The following FGGY variants were observed in gnomAD, a reference collection of about 807,000 sequenced individuals.
FGGY encodes the protein FGGY carbohydrate kinase domain-containing protein.
A neutral mutation model predicts 71.3 loss-of-function variants in FGGY; 72 were observed. The ratio of observed to expected loss-of-function variants is 1.01; its 90% confidence interval spans 0.84 to 1.23. The LOEUF (loss-of-function observed/expected upper bound fraction) is 1.23. Among genes scored for constraint, FGGY ranks in the 50% most tolerant of loss-of-function variants. The probability of loss-of-function intolerance (pLI) is 0.00; values close to 1 mark genes in which losing one functional copy is unlikely to be tolerated. For synonymous variants in FGGY, 251 were observed against 250.3 expected (o/e 1.00, Z -0.02); for missense variants, 668 against 682.3 (o/e 0.98, Z 0.23).
At chr1:59,639,276 A>C (rs1420867166) in intron 11 of FGGY, among the ~76,000 whole-genome samples, 1 of 152,228 alleles carries the variant, frequency 6.6e-6, no homozygotes, top group East Asian at 1.9e-4. Flanking sequence ...TTTTGTGGTT[A>C]GTTTTATTGA....
At chr1:59,539,867 G>C (rs1373405313) in intron 7 of FGGY, among the ~76,000 whole-genome samples, 3 of 152,320 alleles carry the variant, frequency 2.0e-5, no homozygotes, top group Non-Finnish European at 2.9e-5. Context: ...TGTGTATCCA[G>C]AGTATGTAAA....
chr1:59,560,220 C>T (rs1275350876), intron 8 of FGGY, among the ~76,000 whole-genome samples: 1 of 152,160 alleles, frequency 6.6e-6, no homozygotes, highest in Non-Finnish European at 1.5e-5. Flanking sequence ...CAGGAAAACA[C>T]CAAACAGATC....
chr1:59,723,563 T>TG (rs141394151), intron 14 of FGGY, among the ~76,000 whole-genome samples: 28,343 of 128,562 alleles, frequency 0.22, 2,920 homozygotes, highest in East Asian at 0.36. Flanking sequence ...TGTTTTTTTT[T>TG]GGGGGGGGGT....
intron 6 of FGGY, among the ~76,000 whole-genome samples, chr1:59,482,570 A>ATATG (rs141953820): frequency 4.4e-4 from 65 of 148,044 alleles, no homozygotes; most frequent in South Asian, 3.0e-3. Flanking sequence ...GTGTATATAT[A>ATATG]TGTGTGTGTG....
At chr1:59,612,247 A>C (rs916294733) in intron 9 of FGGY, among the ~76,000 whole-genome samples, 2 of 152,238 alleles carry the variant, frequency 1.3e-5, no homozygotes, top group Non-Finnish European at 2.9e-5. Context: ...AGCCAGAGAG[A>C]AAGGTTGGGT....
chr1:59,386,652 T>C (rs552842161), intron 5 of FGGY, among the ~76,000 whole-genome samples: 1 of 152,164 alleles, frequency 6.6e-6, no homozygotes, highest in South Asian at 2.1e-4. Flanking sequence ...TATCTACATA[T>C]ATTACTTTGA....
intron 6 of FGGY, among the ~76,000 whole-genome samples, chr1:59,491,525 T>C (rs1427585374): frequency 1.3e-5 from 2 of 152,116 alleles, no homozygotes; most frequent in Non-Finnish European, 2.9e-5. Context: ...TGTTCATGTA[T>C]AAAAATGCTA....
chr1:59,474,624 A>T (rs934457930), intron 6 of FGGY, among the ~76,000 whole-genome samples: 3 of 152,224 alleles, frequency 2.0e-5, no homozygotes, highest in Non-Finnish European at 4.4e-5. Context: ...CGATTTACAT[A>T]GGTAAATTTA....
intron 8 of FGGY, among the ~76,000 whole-genome samples, chr1:59,598,120 ATTGT>A (rs1463017510): frequency 5.3e-5 from 8 of 152,130 alleles, no homozygotes; most frequent in African/African-American, 1.7e-4. Flanking sequence ...CCCACCACAG[ATTGT>A]TTGGATTGTG....
At chr1:59,651,261 A>G (rs572466534) in intron 11 of FGGY, among the ~76,000 whole-genome samples, 9 of 152,282 alleles carry the variant, frequency 5.9e-5, no homozygotes, top group African/African-American at 1.9e-4. Context: ...GTAGAAGTCT[A>G]TTAGGTCCGC....
intron 8 of FGGY, among the ~76,000 whole-genome samples, chr1:59,605,105 T>C (rs1429368027): frequency 6.6e-6 from 1 of 152,134 alleles, no homozygotes; most frequent in African/African-American, 2.4e-5. Flanking sequence ...TCCATGCATG[T>C]TTTAAATCTT....
At chr1:59,382,363 G>A (rs775896143) in intron 5 of FGGY, among the ~76,000 whole-genome samples, 4 of 152,144 alleles carry the variant, frequency 2.6e-5, no homozygotes, top group South Asian at 2.1e-4. Context: ...CAGCAACCCC[G>A]AACCTCCTTG....
chr1:59,507,923 C>T (rs541037244), intron 6 of FGGY, among the ~76,000 whole-genome samples: 14 of 152,288 alleles, frequency 9.2e-5, no homozygotes, highest in Middle Eastern at 3.4e-3. Context: ...CTGAAGCCCT[C>T]CGCTGCCTCT....
chr1:59,593,603 G>A (rs2096484029), intron 8 of FGGY, among the ~76,000 whole-genome samples: 1 of 152,138 alleles, frequency 6.6e-6, no homozygotes, highest in Admixed American at 6.5e-5. Context: ...CAGCATTTGT[G>A]ATTTTTAAAA....
chr1:59,740,692 T>C (rs1214404794), intron 14 of FGGY, among the ~76,000 whole-genome samples: 5 of 152,242 alleles, frequency 3.3e-5, no homozygotes, highest in African/African-American at 9.6e-5. Flanking sequence ...GGCCCACTTA[T>C]TATCAGAGAC....
chr1:59,749,210 T>A (rs932181844), intron 14 of FGGY, among the ~76,000 whole-genome samples: 2 of 152,182 alleles, frequency 1.3e-5, no homozygotes, highest in African/African-American at 4.8e-5. Flanking sequence ...TATAATAAAC[T>A]GGTAATAGTA....
intron 9 of FGGY, among the ~76,000 whole-genome samples, chr1:59,621,890 C>T (rs1247603440): frequency 6.6e-6 from 1 of 151,516 alleles, no homozygotes; most frequent in Non-Finnish European, 1.5e-5. Flanking sequence ...GTTTCTTCTC[C>T]TTGCTCTCTT....
At chr1:59,511,453 T>C (rs1478315319) in intron 6 of FGGY, among the ~76,000 whole-genome samples, 1 of 150,496 alleles carries the variant, frequency 6.6e-6, no homozygotes, top group African/African-American at 2.5e-5. Context: ...CCTTGGGGGA[T>C]GAGAGAGGGC....
At chr1:59,590,596 A>T (rs1357678618) in intron 8 of FGGY, among the ~76,000 whole-genome samples, 1 of 152,184 alleles carries the variant, frequency 6.6e-6, no homozygotes, top group Admixed American at 6.5e-5. Context: ...CACCATGATC[A>T]AGTGGGCTTC....
Sources: gnomAD v4.1 joint callset for allele counts (sites outside exome capture counted in the v4.1 genomes callset) on GRCh38, gnomAD v4.1.1 for gene constraint, MANE v1.5 for transcripts, NCBI Gene and HGNC (gene_info 2026-07-23, HGNC 2026-07-21) for gene names.